PTGIS: variants seen among roughly 807,000 people sequenced by gnomAD.
PTGIS encodes the protein prostacyclin synthase.
Under a neutral mutation model 50.3 loss-of-function variants are expected in PTGIS, and 45 were observed. The ratio of observed to expected loss-of-function variants is 0.90; its 90% CI spans 0.70 to 1.15. PTGIS has a LOEUF of 1.15. Ranked by LOEUF, PTGIS falls within the 50% of genes most tolerant of loss-of-function variation. PTGIS has a pLI of 0.00. For synonymous variants in PTGIS, 260 were observed against 267.7 expected (o/e 0.97, Z 0.28); for missense variants, 668 against 661.3 (o/e 1.01, Z -0.11).
chr20:49,565,502 C>A (rs1982875583), intron 1 of PTGIS, among the ~76,000 whole-genome samples: 1 of 152,068 alleles, frequency 6.6e-6, no homozygotes, highest in South Asian at 2.1e-4. Flanking sequence ...GCCATCTCTA[C>A]AAAATTTTTA....
At chr20:49,513,488 AGTT>A (rs1981383660) in intron 7 of PTGIS, among the ~76,000 whole-genome samples, 2 of 152,120 alleles carry the variant, frequency 1.3e-5, no homozygotes, top group East Asian at 3.9e-4. Flanking sequence ...CCCCAAGAGA[AGTT>A]GTGAGGGAAG....
chr20:49,551,738 TTATG>T (rs1982510277), intron 1 of PTGIS, among the ~76,000 whole-genome samples: 1 of 151,660 alleles, frequency 6.6e-6, no homozygotes, highest in Non-Finnish European at 1.5e-5. Context: ...TCAGCAGTGT[TTATG>T]TATGTGTGTG....
rs139290951 is a variant in PTGIS at position 49,560,217 on chromosome 20, C to T, written c.74+7826G>A. Among the ~76,000 whole-genome samples, 812 of 152,148 alleles carry T rather than the reference C, an allele frequency of 5.3e-3. 7 individuals carry two copies. Among genetic ancestry groups the T allele is most frequent in the African/African-American group, 0.018 (730 of 41,500 alleles). On this transcript the variant is annotated intron_variant, in intron 1 of 9. Coordinates refer to ENST00000244043, the MANE Select transcript of PTGIS (RefSeq NM_000961.4). ...GATTACAGGCGTGAGCCACCATGCCCGGCCGAATTATACACTTTAAAAGGG... is the reference window on the plus strand; with the variant it reads ...GATTACAGGCGTGAGCCACCATGCCTGGCCGAATTATACACTTTAAAAGGG...
At position 49,566,246 on chromosome 20, in the gene PTGIS, C is replaced by A. The variant is rs770573738; in HGVS notation, c.74+1797G>T. Among the ~76,000 whole-genome samples, 67 of 151,832 alleles carry A rather than the reference C, an allele frequency of 4.4e-4. 1 individual carries two copies. In the Middle Eastern group the frequency reaches 0.01, roughly 23 times the overall value. ...GATCCATCTCAAACAAACAAACAAA[C>A]AAAAAAAGAGCCCATAACGTATTCA... On this transcript the variant is annotated intron_variant, in intron 1 of 9. Coordinates refer to ENST00000244043, the MANE Select transcript of PTGIS (RefSeq NM_000961.4).
chr20:49,561,471 T>C (rs762003215), intron 1 of PTGIS, among the ~76,000 whole-genome samples: 1 of 152,214 alleles, frequency 6.6e-6, no homozygotes, highest in Non-Finnish European at 1.5e-5. Context: ...GCCCCTGGGC[T>C]AAGGCCACTT....
At position 49,525,818 on chromosome 20, in the gene PTGIS, C is replaced by T. The variant is rs1416894945; in HGVS notation, c.674-1579G>A. ...TCACTGACTCTTCTGAACCACAAGC[C>T]GTGTTTCAGGAAGACTCGCCCCACC... On this transcript the variant is annotated intron_variant, in intron 5 of 9. Transcript: ENST00000244043. Among the ~76,000 whole-genome samples, 5 of 152,116 alleles carry T rather than the reference C, an allele frequency of 3.3e-5. No individual in the cohort carries two copies. In the South Asian group the frequency reaches 6.2e-4, roughly 19 times the overall value.
intron 4 of PTGIS, 120 bp from the exon 5 acceptor site, chr20:49,539,841 A>G: frequency 2.2e-6 from 3 of 1,359,300 alleles, no homozygotes; most frequent in Non-Finnish European, 3.0e-6. Context: ...TGTGCGCCAA[A>G]GACCATTCTG....
intron 1 of PTGIS, among the ~76,000 whole-genome samples, chr20:49,558,353 G>A (rs998412136): frequency 9.2e-5 from 14 of 152,216 alleles, no homozygotes; most frequent in African/African-American, 3.4e-4. Context: ...TGTGCCACTG[G>A]ACTACAACCT....
chr20:49,553,643 G>A (rs905726877), intron 1 of PTGIS, among the ~76,000 whole-genome samples: 1 of 151,752 alleles, frequency 6.6e-6, no homozygotes, highest in Non-Finnish European at 1.5e-5. Context: ...TCTTAAAAAA[G>A]TGTTCTTATT....
At chr20:49,565,157 T>G (rs1019860057) in intron 1 of PTGIS, among the ~76,000 whole-genome samples, 79 of 151,730 alleles carry the variant, frequency 5.2e-4, no homozygotes, top group Non-Finnish European at 1.0e-3. Flanking sequence ...TATTTTTTTT[T>G]TTTTTAGTAG....
chr20:49,554,939 CT>C, intron 1 of PTGIS, among the ~76,000 whole-genome samples: 1 of 152,076 alleles, frequency 6.6e-6, no homozygotes, highest in Non-Finnish European at 1.5e-5. Flanking sequence ...TTTATTAGAG[CT>C]TATTATTTGG....
At chr20:49,508,554 G>C (rs913624167) in intron 9 of PTGIS, among the ~76,000 whole-genome samples, 11 of 151,832 alleles carry the variant, frequency 7.2e-5, no homozygotes, top group Non-Finnish European at 1.3e-4. Context: ...TGATTAATAC[G>C]GCGACTCCTC....
At chr20:49,509,108 C>T (rs1324833668) in intron 9 of PTGIS, among the ~76,000 whole-genome samples, 5 of 152,218 alleles carry the variant, frequency 3.3e-5, no homozygotes, top group East Asian at 1.9e-4. Flanking sequence ...ATGTGGCCCT[C>T]GCCAAGTTCT....
rs761275814 is a variant in PTGIS, at chr20:49,568,053, G to A, written c.64C>T (p.Arg22Cys). 1.2e-5 allele frequency: 18 copies of A among 1,485,648 alleles called. No homozygotes were observed. The highest frequency in any genetic ancestry group is 1.6e-5 in the Non-Finnish European group (18 of 1,124,766). 92.0% of individuals were successfully genotyped at this position (1,485,648 alleles called of 1,614,324 possible). A position where few individuals can be genotyped will look rare whatever the true frequency, so the allele number is the denominator to read the frequency against. The change falls in exon 1 of 10, where the codon CGC (arginine) becomes TGC (cysteine). Residue 22 changes from arginine to cysteine, a missense_variant. Physicochemically the swap from Arg to Cys is radical, Grantham distance 180. Coordinates refer to ENST00000244043, the MANE Select transcript of PTGIS (RefSeq NM_000961.4). The part of the protein sequence containing the change: ...ALLLLLLLSR[R>C]RTRRPGEPPL... ...GAGCAGGACACTCACCGCGTGCGGC[G>A]GCGGCTCAGTAGCAGCAGCAGCAAC...
At chr20:49,519,677 C>G (rs1981595027) in intron 6 of PTGIS, among the ~76,000 whole-genome samples, 1 of 152,114 alleles carries the variant, frequency 6.6e-6, no homozygotes. Flanking sequence ...TCCCCCATCT[C>G]CATCTCAAAT....
chr20:49,532,319 A>G (rs1981954035), intron 5 of PTGIS, among the ~76,000 whole-genome samples: 2 of 152,218 alleles, frequency 1.3e-5, no homozygotes. Context: ...ACAGATAGCA[A>G]TAGTTACCTG....
chr20:49,516,728 T>C (rs1046171569), intron 6 of PTGIS, among the ~76,000 whole-genome samples: 1 of 152,156 alleles, frequency 6.6e-6, no homozygotes, highest in South Asian at 2.1e-4. Flanking sequence ...AATACTTCCA[T>C]CACGCAGGTG....
At chr20:49,559,647 C>A (rs989733077) in intron 1 of PTGIS, among the ~76,000 whole-genome samples, 1 of 152,138 alleles carries the variant, frequency 6.6e-6, no homozygotes, top group Non-Finnish European at 1.5e-5. Context: ...ATTCATGCTA[C>A]GATGTGGGTG....
chr20:49,539,516 C>T, intron 5 of PTGIS, 54 bp downstream of exon 5: 2 of 1,586,952 alleles, frequency 1.3e-6, no homozygotes, highest in Non-Finnish European at 1.7e-6. Context: ...TTGGGCTCCC[C>T]CTCTGGGTCT....
Sources: gnomAD v4.1 joint callset for allele counts (sites outside exome capture counted in the v4.1 genomes callset) on GRCh38, gnomAD v4.1.1 for gene constraint, MANE v1.5 for transcripts, NCBI Gene and HGNC (gene_info 2026-07-23, HGNC 2026-07-21) for gene names.